Variants in FHIP2B observed in about 807,000 individuals in gnomAD.
The protein encoded by FHIP2B is FHF complex subunit HOOK interacting protein 2B.
In FHIP2B, 72 loss-of-function variants were observed where a neutral mutation model predicts 84.0. That is an observed-to-expected ratio of 0.86 (90% CI 0.71 to 1.04). The LOEUF (loss-of-function observed/expected upper bound fraction) is 1.04, where lower values mean the gene tolerates loss of function less well. Among genes scored for constraint, FHIP2B ranks in the 50% least tolerant of loss-of-function variants. The pLI, the probability that FHIP2B is intolerant of heterozygous loss-of-function variation, is 0.00. For synonymous variants in FHIP2B, 497 were observed against 418.7 expected, an observed-to-expected ratio of 1.19 and a Z score of -2.28; for missense variants, 972 against 968.9, an observed-to-expected ratio of 1.00 and a Z score of -0.04.
In FHIP2B at chr8:22,102,567, C is replaced by G; in HGVS notation, c.2032C>G (p.Gln678Glu). 6.4e-7 allele frequency: 1 copy of G among 1,563,404 alleles called. No homozygotes were observed. The highest frequency in any genetic ancestry group is 8.7e-7 in the Non-Finnish European group (1 of 1,154,328). Residue 678 changes from glutamine to glutamate, a missense_variant, in exon 16 of 17, where the codon CAG becomes GAG. Gln to Glu is a conservative substitution (Grantham distance 29, BLOSUM62 2). Transcript: ENST00000289921. ...DLMQRIQRVP[Q>E]FPGKLLLVRK... Reference sequence around the variant, plus strand: ...GATGCAGAGAATCCAGAGGGTACCCCAGTTCCCAGGCAAGCTGCTCCTGGT... The same window carrying G: ...GATGCAGAGAATCCAGAGGGTACCCGAGTTCCCAGGCAAGCTGCTCCTGGT...
Position 22,104,350 on chromosome 8 carries a change from A to G in FHIP2B, c.*1419A>G, listed in dbSNP as rs1826288859. The G allele has an allele frequency of 6.6e-6, 1 of 152,526 alleles. No individual in the cohort carries two copies. The highest frequency in any genetic ancestry group is 1.5e-5 in the Non-Finnish European group (1 of 68,052). 9.4% of individuals were successfully genotyped at this position (152,526 alleles called of 1,614,324 possible). A position where few individuals can be genotyped will look rare whatever the true frequency, so the allele number is the denominator to read the frequency against. On this transcript the variant is annotated 3_prime_UTR_variant, in exon 17 of 17. Coordinates refer to ENST00000289921, the MANE Select transcript of FHIP2B (RefSeq NM_022749.7). ...CATTTGCACGGTGTCTTCCCCGGAC[A>G]GCACAGCAATAAATGGTGTGATTGC... is the stretch of plus-strand genomic sequence containing the variant.
At chr8:22,091,425 G>A (rs1446826217) in intron 1 of FHIP2B, among the ~76,000 whole-genome samples, 2 of 152,080 alleles carry the variant, frequency 1.3e-5, no homozygotes, top group Non-Finnish European at 2.9e-5. Flanking sequence ...TGTAATTTTA[G>A]TAGAGATGAG....
chr8:22,101,214 G>A, intron 12 of FHIP2B: 3 of 647,428 alleles, frequency 4.6e-6, no homozygotes, highest in South Asian at 2.0e-5. Flanking sequence ...GTAGAGACTG[G>A]GTTTCCCCAT....
chr8:22,096,834 G>C (rs1016118356), intron 3 of FHIP2B: 2 of 233,418 alleles, frequency 8.6e-6, no homozygotes, highest in Non-Finnish European at 8.3e-6. Context: ...ACAAAGATGG[G>C]CCTGCCATGT....
intron 1 of FHIP2B, among the ~76,000 whole-genome samples, chr8:22,093,056 T>C (rs1381385072): frequency 6.6e-6 from 1 of 152,166 alleles, no homozygotes; most frequent in African/African-American, 2.4e-5. Flanking sequence ...GAGTGGCTAC[T>C]CAGTTCTGTG....
chr8:22,098,578 G>C lies in FHIP2B; in HGVS notation c.924G>C (p.Leu308=), dbSNP rs1207742408. 2 of 1,605,590 alleles carry C rather than the reference G, an allele frequency of 1.2e-6. No individual in the cohort carries two copies. The highest frequency in any genetic ancestry group is 2.7e-5 in the African/African-American group (2 of 74,722). ...TGTACCGGTCCATGCCTGTCTTCCT[G>C]GACCCCGCAGACATTGCCACCTTAG... ...CQLYRSMPVF[L]DPADIATLEG... Residue 308 remains leucine (L), a synonymous_variant, in exon 7 of 17, where the codon CTG becomes CTC. Transcript: ENST00000289921.
chr8:22,098,347 G>A, intron 6 of FHIP2B, 37 bp downstream of exon 6: 1 of 810,768 alleles, frequency 1.2e-6, no homozygotes, highest in Middle Eastern at 2.8e-4. Flanking sequence ...GGGGGTGGGG[G>A]AAGGGTGGGT....
intron 14 of FHIP2B, 104 bp from the exon 15 acceptor site, chr8:22,102,071 C>T (rs1463323246): frequency 1.3e-6 from 2 of 1,593,048 alleles, no homozygotes; most frequent in African/African-American, 2.7e-5. Context: ...ACGTGAGCCT[C>T]CCACCCCCAC....
rs113339418 is a variant in FHIP2B, at chr8:22,097,497, G to A, written c.298-19G>A. 86 of 1,584,148 alleles carry A rather than the reference G, an allele frequency of 5.4e-5. No individual in the cohort carries two copies. The Middle Eastern group carries it at 8.6e-4, about 16-fold the overall frequency. On this transcript the variant is annotated intron_variant, in intron 3 of 16. Transcript: ENST00000289921. Reference sequence around the variant, plus strand: ...GGCAGGGGACACGGCTCTGACAGGCGCTCTGTCCCTGGCCTCAGTACCCCC... The same window carrying A: ...GGCAGGGGACACGGCTCTGACAGGCACTCTGTCCCTGGCCTCAGTACCCCC...
Position 22,096,506 on chromosome 8 carries a change from C to A in FHIP2B, c.294C>A (p.Ala98=), listed in dbSNP as rs117838157. Residue 98 remains alanine (A), a synonymous_variant, in exon 3 of 17, where the codon GCC becomes GCA. Coordinates refer to ENST00000289921, the MANE Select transcript of FHIP2B (RefSeq NM_022749.7). ...ILETLCTLGK[A]EYPPGMRQQV... Reference sequence around the variant, plus strand: ...AGACTCTCTGCACGCTGGGCAAGGCCGAGGTGGGAGGCCCTCTGCGCGCTG... The same window carrying A: ...AGACTCTCTGCACGCTGGGCAAGGCAGAGGTGGGAGGCCCTCTGCGCGCTG... 2.0e-6 allele frequency: 3 copies of A among 1,530,184 alleles called. No homozygotes were observed. The highest frequency in any genetic ancestry group is 2.6e-6 in the Non-Finnish European group (3 of 1,133,488). 94.8% of individuals were successfully genotyped at this position (1,530,184 alleles called of 1,614,324 possible).
chr8:22,091,342 C>G (rs1825483176), intron 1 of FHIP2B, among the ~76,000 whole-genome samples: 1 of 148,136 alleles, frequency 6.8e-6, no homozygotes, highest in Non-Finnish European at 1.5e-5. Flanking sequence ...ACCTCCACCT[C>G]AAGTGGTTCT....
Position 22,089,908 on chromosome 8 carries a change from T to C in FHIP2B, c.45+610T>C, listed in dbSNP as rs1825386393. On this transcript the variant is annotated intron_variant, in intron 1 of 16. Coordinates refer to ENST00000289921, the MANE Select transcript of FHIP2B (RefSeq NM_022749.7). Reference sequence around the variant, plus strand: ...CCCAGCCGGGGAAATCGCCTTCTATTGGGTGCAGATGTTTCCAGCGTGGCT... The same window carrying C: ...CCCAGCCGGGGAAATCGCCTTCTATCGGGTGCAGATGTTTCCAGCGTGGCT... 5 of 1,155,888 alleles carry C rather than the reference T, an allele frequency of 4.3e-6. No individual in the cohort carries two copies. In the African/African-American group the frequency reaches 6.3e-5, roughly 15 times the overall value. The allele number at this position is 1,155,888 out of a possible 1,614,324, so 71.6% of individuals were successfully genotyped here. A position where few individuals can be genotyped will look rare whatever the true frequency, so the allele number is the denominator to read the frequency against.
chr8:22,098,690 A>T, intron 7 of FHIP2B, 71 bp downstream of exon 7: 1 of 1,438,648 alleles, frequency 7.0e-7, no homozygotes. Flanking sequence ...TTTGGTGGCC[A>T]GCTCCCCTGG....
intron 1 of FHIP2B, chr8:22,089,698 A>AC: frequency 4.5e-6 from 5 of 1,123,032 alleles, no homozygotes; most frequent in South Asian, 2.7e-5. Flanking sequence ...CCTCCGCTCC[A>AC]CCCCACCGCC....
rs867942517 is a variant in FHIP2B, at chr8:22,098,137, C to A, written c.595C>A (p.His199Asn). 6.3e-7 allele frequency: 1 copy of A among 1,582,524 alleles called. No individual in the cohort carries two copies. Among genetic ancestry groups the A allele is most frequent in the Non-Finnish European group, 8.6e-7 (1 of 1,164,658 alleles). The change falls in exon 6 of 17, where the codon CAC (histidine) becomes AAC (asparagine). Residue 199 changes from histidine to asparagine, a missense_variant. Physicochemically the swap from His to Asn is moderately conservative, Grantham distance 68. Transcript: ENST00000289921. ...TGCCCTGCCTAAGGACACAACCAGC[C>A]ACGGGGACAAGGACTGCTCCCACGA... The part of the protein sequence containing the change: ...PTALPKDTTS[H>N]GDKDCSHDGA...
intron 2 of FHIP2B, chr8:22,094,933 T>C (rs1428917116): frequency 2.8e-5 from 30 of 1,060,602 alleles, no homozygotes; most frequent in Non-Finnish European, 3.2e-5. Flanking sequence ...TTAGGGGCAA[T>C]GTCCTTGTAG....
rs1053657507 is a variant in FHIP2B at position 22,104,801 on chromosome 8, C to T, written c.*1870C>T. The T allele has an allele frequency of 6.8e-6, 1 of 148,104 alleles. No homozygotes were observed. Among genetic ancestry groups the T allele is most frequent in the African/African-American group, 2.5e-5 (1 of 40,110 alleles). 9.2% of individuals were successfully genotyped at this position (148,104 alleles called of 1,614,324 possible). ...AGTGAGCCGATTGCACCACTGCACT[C>T]CAGCCTGGGCAATAGAGTAAGACCC... is the stretch of plus-strand genomic sequence containing the variant. On this transcript the variant is annotated 3_prime_UTR_variant, in exon 17 of 17. Coordinates refer to ENST00000289921, the MANE Select transcript of FHIP2B (RefSeq NM_022749.7).
In FHIP2B at chr8:22,100,945, A is replaced by C; in HGVS notation, c.1589A>C (p.Lys530Thr). 6.2e-7 allele frequency: 1 copy of C among 1,613,922 alleles called. No individual in the cohort carries two copies. Among genetic ancestry groups the C allele is most frequent in the African/African-American group, 1.3e-5 (1 of 75,026 alleles). ...RLAPATSYDG[K>T]TAVTEIVNSF... is the part of the protein sequence containing the mutation. Reference sequence around the variant, plus strand: ...GCTCCTGCTACCAGTTACGATGGCAAAACAGCAGTGACCGAGATCGTCAAC... The same window carrying C: ...GCTCCTGCTACCAGTTACGATGGCACAACAGCAGTGACCGAGATCGTCAAC... The change falls in exon 12 of 17, where the codon AAA becomes ACA. Residue 530 changes from lysine to threonine, a missense_variant. By Grantham distance (78) the Lys-to-Thr change is moderately conservative. Transcript: ENST00000289921.
intron 8 of FHIP2B, 32 bp downstream of exon 8, chr8:22,099,088 A>G (rs370621432): frequency 6.6e-5 from 101 of 1,541,044 alleles, no homozygotes; most frequent in Non-Finnish European, 8.2e-5. Context: ...CCGGGCTCTC[A>G]TGCTGTTCCC....
Sources: allele counts gnomAD v4.1 joint callset (sites outside exome capture counted in the v4.1 genomes callset), GRCh38; gene constraint gnomAD v4.1.1; transcripts MANE v1.5; gene names NCBI Gene and HGNC (gene_info 2026-07-23, HGNC 2026-07-21).